Variants in SAMD5 observed in about 807,000 individuals in gnomAD.
SAMD5 encodes sterile alpha motif domain-containing protein 5.
SAMD5 carries 13 observed loss-of-function variants against 11.3 expected under a neutral mutation model. The ratio of observed to expected loss-of-function variants is 1.15; its 90% CI spans 0.75 to 1.83. SAMD5 has a LOEUF of 1.83. Among genes scored for constraint, SAMD5 ranks in the 40% most tolerant of loss-of-function variants. SAMD5 has a pLI of 0.00. For synonymous variants in SAMD5, 129 were observed against 111.3 expected (o/e 1.16, Z -1.00); for missense variants, 255 against 239.1 (o/e 1.07, Z -0.44).
chr6:147,796,378 G>C, the SAMD5 span, among the ~76,000 whole-genome samples: 5 of 152,162 alleles, frequency 3.3e-5, no homozygotes, highest in East Asian at 1.9e-4. Flanking sequence ...GATAGTTGTA[G>C]ATATGTGGCA....
chr6:147,923,593 A>G, the SAMD5 span, among the ~76,000 whole-genome samples: 18 of 152,342 alleles, frequency 1.2e-4, no homozygotes, highest in East Asian at 3.3e-3. Flanking sequence ...ATTATGTTCT[A>G]CAGGTGAGAA....
intron 1 of SAMD5, among the ~76,000 whole-genome samples, chr6:147,726,225 C>T (rs978726481): frequency 1.9e-4 from 29 of 152,186 alleles, no homozygotes; most frequent in Non-Finnish European, 3.8e-4. Context: ...TACCACCCAC[C>T]CCCGTTCCTC....
chr6:147,735,769 T>G (rs1747596286), intron 1 of SAMD5, among the ~76,000 whole-genome samples: 1 of 152,194 alleles, frequency 6.6e-6, no homozygotes, highest in African/African-American at 2.4e-5. Flanking sequence ...CTTGATGTAT[T>G]TTTTAGAAAA....
At chr6:147,766,136 A>T in the SAMD5 span, among the ~76,000 whole-genome samples, 1 of 151,818 alleles carries the variant, frequency 6.6e-6, no homozygotes, top group African/African-American at 2.4e-5. Context: ...GAATTGGGAC[A>T]TAAATAATGG....
chr6:147,673,459 T>C (rs983827633), intron 1 of SAMD5, among the ~76,000 whole-genome samples: 1 of 152,100 alleles, frequency 6.6e-6, no homozygotes, highest in African/African-American at 2.4e-5. Context: ...TTGATCCGTC[T>C]GCCTCGGCCT....
chr6:147,774,933 A>G, the SAMD5 span, among the ~76,000 whole-genome samples: 1 of 152,162 alleles, frequency 6.6e-6, no homozygotes, highest in African/African-American at 2.4e-5. Flanking sequence ...GAAACAACCA[A>G]CATACACAAT....
chr6:147,765,092 G>A, the SAMD5 span, among the ~76,000 whole-genome samples: 2 of 152,026 alleles, frequency 1.3e-5, no homozygotes, highest in African/African-American at 4.8e-5. Context: ...CATATTTTAC[G>A]CTACTAAATG....
the SAMD5 span, among the ~76,000 whole-genome samples, chr6:147,882,731 A>G: frequency 6.6e-6 from 1 of 152,262 alleles, no homozygotes; most frequent in African/African-American, 2.4e-5. Flanking sequence ...GAGGACCAAT[A>G]AAATGTTTAA....
At chr6:147,883,347 G>A in the SAMD5 span, among the ~76,000 whole-genome samples, 1 of 152,126 alleles carries the variant, frequency 6.6e-6, no homozygotes, top group African/African-American at 2.4e-5. Context: ...CCTTGGAGTG[G>A]GTTGGAGCAG....
At chr6:147,909,073 G>A in the SAMD5 span, among the ~76,000 whole-genome samples, 1 of 152,168 alleles carries the variant, frequency 6.6e-6, no homozygotes, top group Non-Finnish European at 1.5e-5. Flanking sequence ...AGCCGGCATG[G>A]TGGTGTGCAC....
At chr6:147,595,235 T>G (rs1789511796) in intron 1 of SAMD5, among the ~76,000 whole-genome samples, 1 of 152,214 alleles carries the variant, frequency 6.6e-6, no homozygotes, top group Non-Finnish European at 1.5e-5. Flanking sequence ...GATCTATTTT[T>G]CAGAATAATG....
intron 1 of SAMD5, among the ~76,000 whole-genome samples, chr6:147,551,812 T>TTTTATATATATATATATA (rs368122795): frequency 1.0e-5 from 1 of 99,456 alleles, no homozygotes; most frequent in Non-Finnish European, 2.1e-5. Context: ...TATATATATG[T>TTTTATATATATATATATA]TATATATATA....
At chr6:147,556,178 C>T (rs1407858189) in intron 1 of SAMD5, among the ~76,000 whole-genome samples, 8 of 151,944 alleles carry the variant, frequency 5.3e-5, no homozygotes, top group East Asian at 3.9e-4. Flanking sequence ...CTGAAAGCTC[C>T]GCCTCTTGGG....
intron 1 of SAMD5, among the ~76,000 whole-genome samples, chr6:147,654,720 T>C (rs1790540296): frequency 6.6e-6 from 1 of 151,902 alleles, no homozygotes; most frequent in Non-Finnish European, 1.5e-5. Context: ...TCTCCATGAT[T>C]CTCAACAGCT....
chr6:147,537,686 G>C (rs1289577605), intron 1 of SAMD5, among the ~76,000 whole-genome samples: 1 of 150,702 alleles, frequency 6.6e-6, no homozygotes, highest in East Asian at 2.0e-4. Context: ...AACCCGGGAG[G>C]CGGAGCTTGC....
intron 1 of SAMD5, among the ~76,000 whole-genome samples, chr6:147,519,669 C>T (rs1012679513): frequency 2.2e-4 from 33 of 152,138 alleles, no homozygotes; most frequent in African/African-American, 7.2e-4. Flanking sequence ...GAAGATGGGG[C>T]AGCTTTACAA....
rs1789046287 is a variant in SAMD5, at chr6:147,566,636, CCTT to C, written c.*2183_*2185del. The C allele has an allele frequency of 5.1e-6, 5 of 979,976 alleles. No individual in the cohort carries two copies. The South Asian group carries it at 1.9e-4, about 37-fold the overall frequency. 60.7% of individuals were successfully genotyped at this position (979,976 alleles called of 1,614,324 possible). ...CTTCAATTATTTTGCCAGGTTTAAA[CCTT>C]CTCTCTGTGTCTGTGGTTAGAATTT... On this transcript the variant is annotated 3_prime_UTR_variant, in exon 2 of 2. Coordinates refer to ENST00000367474, the MANE Select transcript of SAMD5 (RefSeq NM_001030060.3).
chr6:147,917,192 A>G, the SAMD5 span, among the ~76,000 whole-genome samples: 18,438 of 64,004 alleles, frequency 0.29, 3,569 homozygotes, highest in African/African-American at 0.41. Flanking sequence ...AAGTGTTCCT[A>G]TTTTTCCACA....
the SAMD5 span, among the ~76,000 whole-genome samples, chr6:147,933,834 G>A: frequency 6.6e-6 from 1 of 152,150 alleles, no homozygotes; most frequent in South Asian, 2.1e-4. Context: ...CATATCCTGA[G>A]GAAGAGAAAT....
Sources: gnomAD v4.1 joint callset for allele counts (sites outside exome capture counted in the v4.1 genomes callset) on GRCh38, gnomAD v4.1.1 for gene constraint, MANE v1.5 for transcripts, NCBI Gene and HGNC (gene_info 2026-07-23, HGNC 2026-07-21) for gene names.